MIPOL1: variants seen among roughly 807,000 people sequenced by gnomAD.
MIPOL1 encodes mirror-image polydactyly gene 1 protein.
MIPOL1 carries 57 observed loss-of-function variants against 60.9 expected under a neutral mutation model. The observed-to-expected ratio is 0.94, with a 90% CI of 0.76 to 1.17. MIPOL1 has a LOEUF of 1.17. Ranked by LOEUF, MIPOL1 falls within the 50% of genes most tolerant of loss-of-function variation. The probability of loss-of-function intolerance (pLI) is 0.00; values close to 1 mark genes in which losing one functional copy is unlikely to be tolerated. For synonymous variants in MIPOL1, 179 were observed against 168.8 expected (o/e 1.06, Z -0.47); for missense variants, 551 against 511.6 (o/e 1.08, Z -0.74).
chr14:37,316,768 G>A (rs758766351), intron 9 of MIPOL1, among the ~76,000 whole-genome samples: 25 of 152,038 alleles, frequency 1.6e-4, no homozygotes, highest in Non-Finnish European at 2.4e-4. Context: ...CCTGAATTCC[G>A]GAGTTTGAGG....
Position 37,365,713 on chromosome 14 carries a change from T to C in MIPOL1, c.829-3804T>C, listed in dbSNP as rs575939830. Among the ~76,000 whole-genome samples the C allele has an allele frequency of 3.9e-5, 6 of 152,270 alleles. No homozygotes were observed. In the South Asian group the frequency reaches 1.2e-3, roughly 32 times the overall value. On this transcript the variant is annotated intron_variant, in intron 9 of 12. Coordinates refer to ENST00000684589, the MANE Select transcript of MIPOL1 (RefSeq NM_001388067.1). Reference sequence around the variant, plus strand: ...TCTTGTTTTGGTATTATGATAATACTGGCCTTGTAGAATGTGTTTGGAAGT... The same window carrying C: ...TCTTGTTTTGGTATTATGATAATACCGGCCTTGTAGAATGTGTTTGGAAGT...
chr14:37,522,347 C>T (rs1391064410), intron 12 of MIPOL1, among the ~76,000 whole-genome samples: 4 of 152,118 alleles, frequency 2.6e-5, no homozygotes, highest in Non-Finnish European at 5.9e-5. Flanking sequence ...TACCATATAA[C>T]ATAAAATACT....
rs537335805 is a variant in MIPOL1, at chr14:37,313,438, G to A, written c.828+4919G>A. ...CACCTGGAGGCTTTGGGTCTTATTG[G>A]TATTTGTAGTTAGAAGGATAATATT... On this transcript the variant is annotated intron_variant, in intron 9 of 12. Transcript: ENST00000684589. 9.2e-5 allele frequency among the ~76,000 whole-genome samples: 14 copies of A among 152,230 alleles called. No individual in the cohort carries two copies. The South Asian group carries it at 2.7e-3, about 29-fold the overall frequency.
intron 11 of MIPOL1, among the ~76,000 whole-genome samples, chr14:37,497,020 C>T (rs947800330): frequency 3.3e-5 from 5 of 151,632 alleles, no homozygotes; most frequent in Non-Finnish European, 5.9e-5. Flanking sequence ...CTTTGACAAA[C>T]CTGAGAAAAA....
chr14:37,375,925 T>A (rs556880107), intron 10 of MIPOL1, among the ~76,000 whole-genome samples: 2 of 152,274 alleles, frequency 1.3e-5, no homozygotes, highest in South Asian at 4.1e-4. Flanking sequence ...CTTTGTTTGC[T>A]CTTCCTTACT....
intron 10 of MIPOL1, among the ~76,000 whole-genome samples, chr14:37,397,772 G>C (rs948748434): frequency 1.3e-5 from 2 of 152,080 alleles, no homozygotes. Context: ...GCAGTCACAG[G>C]CCTCACCCAG....
At chr14:37,226,554 G>A (rs1025455558) in intron 1 of MIPOL1, among the ~76,000 whole-genome samples, 4 of 152,192 alleles carry the variant, frequency 2.6e-5, no homozygotes, top group African/African-American at 4.8e-5. Flanking sequence ...CCACCCCCAC[G>A]ATTCGATTTT....
At chr14:37,423,963 T>C (rs530534452) in intron 11 of MIPOL1, among the ~76,000 whole-genome samples, 1 of 152,282 alleles carries the variant, frequency 6.6e-6, no homozygotes, top group African/African-American at 2.4e-5. Flanking sequence ...AATGCTGAAA[T>C]GTGACATGAA....
intron 3 of MIPOL1, among the ~76,000 whole-genome samples, chr14:37,249,580 A>G (rs986727895): frequency 1.3e-5 from 2 of 152,162 alleles, no homozygotes; most frequent in Admixed American, 6.6e-5. Flanking sequence ...GTAATTCTAT[A>G]TAAAACAATC....
chr14:37,341,354 A>G (rs1435097440), intron 9 of MIPOL1, among the ~76,000 whole-genome samples: 8 of 152,174 alleles, frequency 5.3e-5, no homozygotes, highest in Non-Finnish European at 1.2e-4. Context: ...TTATATTTCT[A>G]AAAAGAGCGT....
chr14:37,499,515 C>A (rs1361767420), intron 11 of MIPOL1, among the ~76,000 whole-genome samples: 1 of 152,110 alleles, frequency 6.6e-6, no homozygotes, highest in Non-Finnish European at 1.5e-5. Context: ...GCAGAATAGA[C>A]CCTCGATCTC....
intron 11 of MIPOL1, among the ~76,000 whole-genome samples, chr14:37,428,184 C>T (rs562936490): frequency 6.6e-6 from 1 of 152,294 alleles, no homozygotes; most frequent in South Asian, 2.1e-4. Context: ...AAAGAGAAAA[C>T]TTCAAGTCTG....
intron 1 of MIPOL1, among the ~76,000 whole-genome samples, chr14:37,210,115 A>C (rs575884464): frequency 1.3e-5 from 2 of 152,174 alleles, no homozygotes; most frequent in South Asian, 2.1e-4. Flanking sequence ...CTTCTCTCAC[A>C]GCACACTAAT....
intron 1 of MIPOL1, among the ~76,000 whole-genome samples, chr14:37,200,850 ATGTGTGTGTGTGTGTGTGTGTGTG>A (rs56965903): frequency 4.7e-4 from 41 of 87,044 alleles, no homozygotes; most frequent in South Asian, 2.6e-3. Flanking sequence ...ATATCTATCT[ATGTGTGTGTGTGTGTGTGTGTGTG>A]TGTGTGTGTG....
intron 12 of MIPOL1, among the ~76,000 whole-genome samples, chr14:37,541,321 C>A (rs986460361): frequency 6.6e-6 from 1 of 152,142 alleles, no homozygotes; most frequent in Admixed American, 6.5e-5. Context: ...TTTCTTCTCC[C>A]CTCAGTCTGG....
At chr14:37,256,012 CAATT>C (rs1223449778) in intron 3 of MIPOL1, among the ~76,000 whole-genome samples, 3 of 151,788 alleles carry the variant, frequency 2.0e-5, no homozygotes, top group Admixed American at 6.6e-5. Context: ...TAAAAATTAA[CAATT>C]AAATGCTCCT....
chr14:37,249,020 A>G (rs1039446948), intron 3 of MIPOL1, among the ~76,000 whole-genome samples: 2 of 149,150 alleles, frequency 1.3e-5, no homozygotes, highest in African/African-American at 5.0e-5. Flanking sequence ...ATGGATGGGT[A>G]GATGGATGGA....
At chr14:37,222,870 A>G (rs1969047809) in intron 1 of MIPOL1, among the ~76,000 whole-genome samples, 1 of 152,148 alleles carries the variant, frequency 6.6e-6, no homozygotes, top group Non-Finnish European at 1.5e-5. Flanking sequence ...ACGTTCAGAT[A>G]TTCAGATATT....
At chr14:37,361,748 C>T (rs2092267488) in intron 9 of MIPOL1, among the ~76,000 whole-genome samples, 1 of 151,040 alleles carries the variant, frequency 6.6e-6, no homozygotes, top group South Asian at 2.1e-4. Flanking sequence ...GCTGGGACTA[C>T]AGGCACCCAC....
Sources: allele counts gnomAD v4.1 joint callset (sites outside exome capture counted in the v4.1 genomes callset), GRCh38; gene constraint gnomAD v4.1.1; transcripts MANE v1.5; gene names NCBI Gene and HGNC (gene_info 2026-07-23, HGNC 2026-07-21).